BAZ2B: variants seen among roughly 807,000 people sequenced by gnomAD.
BAZ2B encodes the protein bromodomain adjacent to zinc finger domain protein 2B.
In BAZ2B, 91 loss-of-function variants were observed where a neutral mutation model predicts 246.0. The observed-to-expected ratio is 0.37, with a 90% confidence interval of 0.31 to 0.44. The LOEUF is 0.44. BAZ2B is among the 20% of genes least tolerant of loss of function. The probability of loss-of-function intolerance (pLI) is 1.00; values close to 1 mark genes in which losing one functional copy is unlikely to be tolerated. For missense variants in BAZ2B, 2,332 were observed against 2,533.7 expected (o/e 0.92, Z 1.71); for synonymous variants, 855 against 860.0 (o/e 0.99, Z 0.10).
At chr2:159,685,432 G>A in the BAZ2B span, among the ~76,000 whole-genome samples, 22 of 152,032 alleles carry the variant, frequency 1.4e-4, no homozygotes, top group African/African-American at 5.1e-4. Context: ...TACACTTAAA[G>A]AAAACATGTA....
At chr2:159,663,446 T>C in the BAZ2B span, among the ~76,000 whole-genome samples, 9 of 151,836 alleles carry the variant, frequency 5.9e-5, no homozygotes, top group South Asian at 1.9e-3. Flanking sequence ...CAGGTGATCC[T>C]CCCGCCTTGG....
intron 31 of BAZ2B, among the ~76,000 whole-genome samples, chr2:159,342,205 T>C (rs1385032486): frequency 3.3e-5 from 5 of 152,204 alleles, no homozygotes; most frequent in African/African-American, 7.2e-5. Context: ...CCCATGGTCA[T>C]AGATAGGAAG....
chr2:159,425,106 G>C (rs1425252113), intron 13 of BAZ2B, among the ~76,000 whole-genome samples: 1 of 152,150 alleles, frequency 6.6e-6, no homozygotes, highest in East Asian at 1.9e-4. Context: ...CCATGCATTT[G>C]GAAAACTATG....
downstream of BAZ2B, chr2:159,318,883 A>G (rs2062389435): frequency 6.6e-6 from 1 of 152,118 alleles, no homozygotes; most frequent in Non-Finnish European, 1.5e-5. Flanking sequence ...CACTCTACAC[A>G]CTGTTCCTCC....
At chr2:159,473,524 T>C (rs908087549) in intron 3 of BAZ2B, among the ~76,000 whole-genome samples, 2 of 152,182 alleles carry the variant, frequency 1.3e-5, no homozygotes, top group East Asian at 3.8e-4. Flanking sequence ...CCTGGATTCA[T>C]TGATTTTTTG....
chr2:159,386,906 A>C (rs1291414867), intron 21 of BAZ2B, among the ~76,000 whole-genome samples: 2 of 152,172 alleles, frequency 1.3e-5, no homozygotes, highest in African/African-American at 4.8e-5. Context: ...TGCATATTCA[A>C]TCAACTGACA....
chr2:159,429,925 A>G (rs2070757057), intron 10 of BAZ2B, among the ~76,000 whole-genome samples: 1 of 152,222 alleles, frequency 6.6e-6, no homozygotes. Flanking sequence ...ATATACATCT[A>G]TATTTTCTTA....
intron 2 of BAZ2B, among the ~76,000 whole-genome samples, chr2:159,526,922 C>G (rs1423484266): frequency 6.6e-6 from 1 of 150,592 alleles, no homozygotes; most frequent in Admixed American, 6.6e-5. Flanking sequence ...TCTCTGCTCA[C>G]TAGCTTATAT....
intron 14 of BAZ2B, among the ~76,000 whole-genome samples, chr2:159,408,934 G>C (rs531188768): frequency 1.3e-5 from 2 of 150,588 alleles, no homozygotes; most frequent in African/African-American, 2.4e-5. Context: ...TAAAAATAAA[G>C]AAAAAAGAAG....
chr2:159,579,645 C>T (rs993941662), intron 1 of BAZ2B, among the ~76,000 whole-genome samples: 1 of 152,182 alleles, frequency 6.6e-6, no homozygotes, highest in African/African-American at 2.4e-5. Flanking sequence ...AGACCAATAT[C>T]CCTGATGAAC....
In BAZ2B at chr2:159,419,526, T is replaced by C. The variant is rs1030150; in HGVS notation, c.2467-6981A>G. 4.3e-3 allele frequency among the ~76,000 whole-genome samples: 661 copies of C among 152,304 alleles called. 3 individuals carry two copies. The highest frequency in any genetic ancestry group is 0.015 in the African/African-American group (630 of 41,576). Reference sequence around the variant, plus strand: ...TAAGTCACACTAGTCATATAGCTTATTATACCATACACTACATAGCACTTT... The same window carrying C: ...TAAGTCACACTAGTCATATAGCTTACTATACCATACACTACATAGCACTTT... On this transcript the variant is annotated intron_variant, in intron 13 of 36. Coordinates refer to ENST00000392783, the MANE Select transcript of BAZ2B (RefSeq NM_013450.4).
intron 3 of BAZ2B, among the ~76,000 whole-genome samples, chr2:159,468,195 T>C (rs1292876903): frequency 2.0e-5 from 3 of 152,160 alleles, no homozygotes; most frequent in African/African-American, 7.2e-5. Context: ...ATGTATTTAT[T>C]TACTAAGTGC....
At chr2:159,358,639 CCCAA>C (rs1288763639) in intron 27 of BAZ2B, among the ~76,000 whole-genome samples, 1 of 152,160 alleles carries the variant, frequency 6.6e-6, no homozygotes, top group Non-Finnish European at 1.5e-5. Flanking sequence ...AACTCTCCAC[CCCAA>C]ATCAACAGAA....
At chr2:159,627,358 C>T in the BAZ2B span, among the ~76,000 whole-genome samples, 4 of 148,074 alleles carry the variant, frequency 2.7e-5, no homozygotes, top group Non-Finnish European at 4.5e-5. Context: ...GGCAGACACA[C>T]CAAAAAAAAA....
At chr2:159,527,402 G>GT (rs2084877005) in intron 2 of BAZ2B, among the ~76,000 whole-genome samples, 1 of 152,164 alleles carries the variant, frequency 6.6e-6, no homozygotes, top group Non-Finnish European at 1.5e-5. Context: ...TATGTAGTTT[G>GT]TTTTTTCATC....
the BAZ2B span, among the ~76,000 whole-genome samples, chr2:159,710,071 G>C: frequency 7.2e-5 from 11 of 152,278 alleles, no homozygotes; most frequent in South Asian, 2.3e-3. Context: ...AGGCAAGCAC[G>C]GTGTCTAGAT....
intron 2 of BAZ2B, among the ~76,000 whole-genome samples, chr2:159,516,831 C>T (rs2083488320): frequency 6.6e-6 from 1 of 152,110 alleles, no homozygotes; most frequent in South Asian, 2.1e-4. Flanking sequence ...GAAGGGTTTA[C>T]TCCTCACATA....
intron 2 of BAZ2B, among the ~76,000 whole-genome samples, chr2:159,528,489 C>G (rs2084995547): frequency 6.6e-6 from 1 of 152,018 alleles, no homozygotes; most frequent in African/African-American, 2.4e-5. Context: ...TTGAGACCAG[C>G]CTGGCCAACA....
the BAZ2B span, among the ~76,000 whole-genome samples, chr2:159,636,496 C>T: frequency 2.0e-5 from 3 of 152,114 alleles, no homozygotes. Context: ...GCATTTGGAT[C>T]AGAACTAGAC....
Sources: allele counts gnomAD v4.1 joint callset (sites outside exome capture counted in the v4.1 genomes callset), GRCh38; gene constraint gnomAD v4.1.1; transcripts MANE v1.5; gene names NCBI Gene and HGNC (gene_info 2026-07-23, HGNC 2026-07-21).